DYNC1I1: variants seen among roughly 807,000 people sequenced by gnomAD.
The protein encoded by DYNC1I1 is cytoplasmic dynein 1 intermediate chain 1.
A neutral mutation model predicts 86.6 loss-of-function variants in DYNC1I1; 43 were observed. The ratio of observed to expected loss-of-function variants is 0.50; its 90% CI spans 0.39 to 0.64. The LOEUF (loss-of-function observed/expected upper bound fraction) is 0.64. Among genes scored for constraint, DYNC1I1 ranks in the 30% least tolerant of loss-of-function variants. DYNC1I1 has a pLI of 0.00. For missense variants in DYNC1I1, 604 were observed against 788.8 expected (o/e 0.77, Z 2.81); for synonymous variants, 262 against 283.7 (o/e 0.92, Z 0.77).
intron 14 of DYNC1I1, among the ~76,000 whole-genome samples, chr7:96,045,025 G>C (rs1447126167): frequency 6.6e-6 from 1 of 152,086 alleles, no homozygotes; most frequent in East Asian, 1.9e-4. Flanking sequence ...TGTGATGGAG[G>C]GGCAATAGAG....
intron 10 of DYNC1I1, among the ~76,000 whole-genome samples, chr7:96,002,200 C>T (rs891232074): frequency 5.9e-5 from 9 of 152,290 alleles, no homozygotes; most frequent in African/African-American, 2.2e-4. Context: ...TTTTCCATCA[C>T]CTGACTGGCT....
chr7:95,816,809 A>C (rs1794957415), intron 4 of DYNC1I1, among the ~76,000 whole-genome samples: 1 of 152,242 alleles, frequency 6.6e-6, no homozygotes, highest in South Asian at 2.1e-4. Context: ...AAAGAAGGAA[A>C]AATAATCATT....
intron 5 of DYNC1I1, among the ~76,000 whole-genome samples, chr7:95,844,318 C>A (rs1789369741): frequency 6.6e-6 from 1 of 152,104 alleles, no homozygotes; most frequent in African/African-American, 2.4e-5. Flanking sequence ...TGAAGGAAAA[C>A]CATGAAGCTG....
chr7:96,010,047 A>G (rs1003936605), intron 10 of DYNC1I1, among the ~76,000 whole-genome samples: 3 of 152,094 alleles, frequency 2.0e-5, no homozygotes, highest in African/African-American at 7.2e-5. Flanking sequence ...CCCAGACGAC[A>G]TTTTATTCAG....
At chr7:95,891,921 T>C (rs1161127535) in intron 6 of DYNC1I1, among the ~76,000 whole-genome samples, 2 of 152,088 alleles carry the variant, frequency 1.3e-5, no homozygotes, top group Non-Finnish European at 2.9e-5. Context: ...TATTGTCCCC[T>C]ACACAGTACA....
At chr7:96,018,537 T>G (rs1049324085) in intron 10 of DYNC1I1, among the ~76,000 whole-genome samples, 2 of 152,178 alleles carry the variant, frequency 1.3e-5, no homozygotes, top group Admixed American at 6.5e-5. Flanking sequence ...TAAATAGCCA[T>G]GTAGCCGGGG....
intron 5 of DYNC1I1, among the ~76,000 whole-genome samples, chr7:95,830,344 C>T (rs1044087668): frequency 6.6e-6 from 1 of 151,686 alleles, no homozygotes; most frequent in Non-Finnish European, 1.5e-5. Context: ...TTCCTCATGC[C>T]CCTTTGTTAT....
chr7:95,963,273 G>C (rs77846401), intron 6 of DYNC1I1, among the ~76,000 whole-genome samples: 1 of 152,040 alleles, frequency 6.6e-6, no homozygotes, highest in African/African-American at 2.4e-5. Context: ...CACATCTCCA[G>C]GCATTCTCTC....
At chr7:96,056,464 C>T (rs1789580319) in intron 14 of DYNC1I1, among the ~76,000 whole-genome samples, 2 of 152,148 alleles carry the variant, frequency 1.3e-5, no homozygotes, top group Admixed American at 1.3e-4. Context: ...CAGAGAAAGA[C>T]TATATCTTCT....
intron 5 of DYNC1I1, among the ~76,000 whole-genome samples, chr7:95,832,160 T>C (rs1176100366): frequency 9.5e-6 from 1 of 105,366 alleles, no homozygotes; most frequent in African/African-American, 4.1e-5. Context: ...GATGTTCCCC[T>C]TCCTGTGTCC....
chr7:96,011,683 A>C (rs1794279071), intron 10 of DYNC1I1, among the ~76,000 whole-genome samples: 1 of 152,216 alleles, frequency 6.6e-6, no homozygotes, highest in South Asian at 2.1e-4. Context: ...CTCACATAGA[A>C]AATTTCGAAG....
chr7:96,048,801 C>T (rs1050844488), intron 14 of DYNC1I1, among the ~76,000 whole-genome samples: 2 of 152,136 alleles, frequency 1.3e-5, no homozygotes, highest in African/African-American at 4.8e-5. Context: ...ATGTTCTGGC[C>T]AGAGGTTTGT....
intron 5 of DYNC1I1, among the ~76,000 whole-genome samples, chr7:95,829,673 A>G (rs1795278918): frequency 6.6e-6 from 1 of 152,120 alleles, no homozygotes; most frequent in Admixed American, 6.6e-5. Flanking sequence ...TCTGTTTTCC[A>G]AGCAAAAACT....
intron 5 of DYNC1I1, among the ~76,000 whole-genome samples, chr7:95,859,732 C>A (rs1789826033): frequency 1.3e-5 from 2 of 152,356 alleles, no homozygotes; most frequent in South Asian, 4.1e-4. Context: ...GTCCACCTAG[C>A]AGGCATAAAG....
intron 6 of DYNC1I1, among the ~76,000 whole-genome samples, chr7:95,959,622 G>A (rs1196358232): frequency 6.6e-6 from 1 of 152,122 alleles, no homozygotes; most frequent in Non-Finnish European, 1.5e-5. Context: ...ACAGTATGGT[G>A]GAGTAGTTAA....
At chr7:96,048,706 G>A (rs909524167) in intron 14 of DYNC1I1, among the ~76,000 whole-genome samples, 25 of 152,174 alleles carry the variant, frequency 1.6e-4, no homozygotes, top group African/African-American at 5.6e-4. Flanking sequence ...TTAGAGAACT[G>A]GGGATCTAGT....
At chr7:95,911,815 C>T (rs940998740) in intron 6 of DYNC1I1, among the ~76,000 whole-genome samples, 1 of 152,098 alleles carries the variant, frequency 6.6e-6, no homozygotes, top group South Asian at 2.1e-4. Flanking sequence ...AGAACCACTA[C>T]TTTAAAGGGG....
At chr7:95,998,813 A>G (rs1793937053) in intron 10 of DYNC1I1, among the ~76,000 whole-genome samples, 1 of 152,108 alleles carries the variant, frequency 6.6e-6, no homozygotes, top group Non-Finnish European at 1.5e-5. Context: ...GGATCAGAGA[A>G]GCATTGTGTC....
chr7:95,920,289 C>T (rs1791577354), intron 6 of DYNC1I1, among the ~76,000 whole-genome samples: 1 of 152,170 alleles, frequency 6.6e-6, no homozygotes. Context: ...AGAAAAACAT[C>T]ACGCAAATTT....
Sources: allele counts gnomAD v4.1 joint callset (sites outside exome capture counted in the v4.1 genomes callset), GRCh38; gene constraint gnomAD v4.1.1; transcripts MANE v1.5; gene names NCBI Gene and HGNC (gene_info 2026-07-23, HGNC 2026-07-21).